CNTNAP2: variants seen among roughly 807,000 people sequenced by gnomAD.
The protein encoded by CNTNAP2 is contactin associated protein 2, also known as contactin-associated protein-like 2.
CNTNAP2 carries 98 observed loss-of-function variants against 155.2 expected under a neutral mutation model. That is an observed-to-expected ratio of 0.63 (90% CI 0.54 to 0.75). The LOEUF (loss-of-function observed/expected upper bound fraction) is 0.75, where lower values mean the gene tolerates loss of function less well. Ranked by LOEUF, CNTNAP2 falls within the 30% of genes least tolerant of loss-of-function variation. The pLI, the probability that CNTNAP2 is intolerant of heterozygous loss-of-function variation, is 0.00. For synonymous variants in CNTNAP2, 651 were observed against 631.2 expected (o/e 1.03, Z -0.47); for missense variants, 1,727 against 1,688.1 (o/e 1.02, Z -0.40).
At chr7:148,025,069 G>A (rs568759907) in intron 15 of CNTNAP2, among the ~76,000 whole-genome samples, 59 of 152,312 alleles carry the variant, frequency 3.9e-4, no homozygotes, top group Middle Eastern at 3.4e-3. Context: ...ATGTTTGTAA[G>A]TCTAATGAAA....
At chr7:148,349,011 A>ATTCT (rs923387024) in intron 21 of CNTNAP2, among the ~76,000 whole-genome samples, 6 of 151,676 alleles carry the variant, frequency 4.0e-5, no homozygotes, top group Non-Finnish European at 7.4e-5. Context: ...ATCTTAATTC[A>ATTCT]TCCAGCATTG....
At chr7:147,615,665 A>G (rs530559142) in intron 12 of CNTNAP2, among the ~76,000 whole-genome samples, 2 of 152,238 alleles carry the variant, frequency 1.3e-5, no homozygotes, top group Non-Finnish European at 2.9e-5. Flanking sequence ...AGAAAACGCC[A>G]TCACTTTTGA....
At chr7:147,756,492 C>A (rs1333801157) in intron 13 of CNTNAP2, among the ~76,000 whole-genome samples, 1 of 152,000 alleles carries the variant, frequency 6.6e-6, no homozygotes, top group Non-Finnish European at 1.5e-5. Context: ...GGCACTCTTG[C>A]ATAATAAGGA....
At chr7:147,635,456 C>T (rs564262112) in intron 12 of CNTNAP2, among the ~76,000 whole-genome samples, 1 of 152,048 alleles carries the variant, frequency 6.6e-6, no homozygotes, top group Admixed American at 6.6e-5. Flanking sequence ...GCTTATTGCA[C>T]TGTGGTTTCC....
intron 1 of CNTNAP2, among the ~76,000 whole-genome samples, chr7:146,494,327 CTA>C (rs1365815884): frequency 1.2e-4 from 18 of 150,768 alleles, no homozygotes; most frequent in Middle Eastern, 6.9e-3. Flanking sequence ...GAGCGAGACT[CTA>C]TGTCTCAAAA....
intron 16 of CNTNAP2, among the ~76,000 whole-genome samples, chr7:148,122,847 A>C (rs115327269): frequency 0.016 from 2,472 of 151,458 alleles, 72 homozygotes; most frequent in African/African-American, 0.057. Flanking sequence ...CAGAGCAAGA[A>C]TACATCTCAA....
At chr7:147,857,702 A>T (rs1272296963) in intron 13 of CNTNAP2, among the ~76,000 whole-genome samples, 3 of 152,232 alleles carry the variant, frequency 2.0e-5, no homozygotes, top group African/African-American at 7.2e-5. Flanking sequence ...TAAGAAGTAC[A>T]GCCCATTTAC....
At chr7:148,282,531 A>G (rs1796992096) in intron 21 of CNTNAP2, among the ~76,000 whole-genome samples, 1 of 152,246 alleles carries the variant, frequency 6.6e-6, no homozygotes, top group Admixed American at 6.5e-5. Context: ...CCTGGCACAC[A>G]GTGAGTGTCC....
chr7:147,303,988 C>T (rs182638502), intron 9 of CNTNAP2, among the ~76,000 whole-genome samples: 198 of 152,306 alleles, frequency 1.3e-3, no homozygotes, highest in Middle Eastern at 3.4e-3. Flanking sequence ...TTCCTGCCGT[C>T]CTACACTCTG....
intron 19 of CNTNAP2, among the ~76,000 whole-genome samples, chr7:148,229,187 A>G (rs1165402387): frequency 6.6e-6 from 1 of 152,236 alleles, no homozygotes; most frequent in East Asian, 1.9e-4. Context: ...TCCAAATTCA[A>G]ATATTGAATG....
chr7:146,440,522 T>C (rs759969208), intron 1 of CNTNAP2, among the ~76,000 whole-genome samples: 1 of 151,538 alleles, frequency 6.6e-6, no homozygotes. Context: ...GTATGTCTCT[T>C]ACCTAAAGAG....
At chr7:148,231,182 TC>T (rs1291423833) in intron 20 of CNTNAP2, among the ~76,000 whole-genome samples, 1 of 152,098 alleles carries the variant, frequency 6.6e-6, no homozygotes, top group African/African-American at 2.4e-5. Context: ...TTACCCTCAC[TC>T]TCTGCCACAG....
intron 15 of CNTNAP2, among the ~76,000 whole-genome samples, chr7:148,094,134 C>A (rs1354204467): frequency 2.6e-5 from 4 of 152,352 alleles, no homozygotes; most frequent in African/African-American, 9.6e-5. Flanking sequence ...TTCAGACGGA[C>A]TTTCTCTGAA....
intron 18 of CNTNAP2, among the ~76,000 whole-genome samples, chr7:148,199,123 A>G (rs1016445762): frequency 1.1e-4 from 16 of 152,230 alleles, no homozygotes; most frequent in African/African-American, 3.9e-4. Flanking sequence ...ATGATATGAC[A>G]TATATTATAA....
intron 1 of CNTNAP2, among the ~76,000 whole-genome samples, chr7:146,535,744 T>C (rs1797859030): frequency 6.6e-6 from 1 of 151,916 alleles, no homozygotes; most frequent in Non-Finnish European, 1.5e-5. Flanking sequence ...CAAAGGATAC[T>C]TTTCTAACCC....
chr7:147,847,923 A>T (rs1479085665), intron 13 of CNTNAP2, among the ~76,000 whole-genome samples: 1 of 128,540 alleles, frequency 7.8e-6, no homozygotes, highest in East Asian at 2.3e-4. Flanking sequence ...GTCAGGGGTC[A>T]GGGACCCACT....
At chr7:146,149,194 T>C (rs1342833058) in intron 1 of CNTNAP2, among the ~76,000 whole-genome samples, 1 of 151,922 alleles carries the variant, frequency 6.6e-6, no homozygotes, top group Non-Finnish European at 1.5e-5. Flanking sequence ...AATAAAAAAT[T>C]TGGACCACAA....
intron 1 of CNTNAP2, among the ~76,000 whole-genome samples, chr7:146,119,982 A>C (rs1158595354): frequency 6.6e-6 from 1 of 151,928 alleles, no homozygotes; most frequent in Non-Finnish European, 1.5e-5. Flanking sequence ...TATATTAAGT[A>C]TTATATGTAA....
chr7:146,233,472 T>TTTTA (rs1554405492), intron 1 of CNTNAP2, among the ~76,000 whole-genome samples: 8 of 151,798 alleles, frequency 5.3e-5, no homozygotes, highest in Non-Finnish European at 1.5e-5. Context: ...CTCTTTTTTT[T>TTTTA]TTATTATTAT....
Sources: gnomAD v4.1 joint callset for allele counts (sites outside exome capture counted in the v4.1 genomes callset) on GRCh38, gnomAD v4.1.1 for gene constraint, MANE v1.5 for transcripts, NCBI Gene and HGNC (gene_info 2026-07-23, HGNC 2026-07-21) for gene names.